The following TADA2A variants were observed in gnomAD, a reference collection of about 807,000 sequenced individuals.
The protein encoded by TADA2A is transcriptional adaptor 2A.
In TADA2A, 38 loss-of-function variants were observed where a neutral mutation model predicts 67.4. That is an observed-to-expected ratio of 0.56 (90% CI 0.44 to 0.74). TADA2A has a LOEUF of 0.74. Among genes scored for constraint, TADA2A ranks in the 30% least tolerant of loss-of-function variants. TADA2A has a pLI of 0.00. For synonymous variants in TADA2A, 192 were observed against 181.6 expected (o/e 1.06, Z -0.46); for missense variants, 454 against 547.0 (o/e 0.83, Z 1.70).
intron 8 of TADA2A, among the ~76,000 whole-genome samples, chr17:37,456,289 A>G (rs1030289778): frequency 6.6e-6 from 1 of 152,244 alleles, no homozygotes; most frequent in African/African-American, 2.4e-5. Flanking sequence ...CGTGGATGGG[A>G]AGCCACTGAA....
intron 5 of TADA2A, among the ~76,000 whole-genome samples, chr17:37,439,927 TTTA>T (rs2052850326): frequency 2.0e-5 from 2 of 101,926 alleles, no homozygotes; most frequent in Admixed American, 1.0e-4. Context: ...TATTTATTTA[TTTA>T]TTTATTTATT....
chr17:37,418,166 G>T (rs1165940136), intron 2 of TADA2A, among the ~76,000 whole-genome samples: 1 of 152,148 alleles, frequency 6.6e-6, no homozygotes, highest in East Asian at 1.9e-4. Flanking sequence ...GGAAATTTCA[G>T]TGCATATTAA....
intron 2 of TADA2A, among the ~76,000 whole-genome samples, chr17:37,412,022 AAC>A (rs1444869697): frequency 6.6e-6 from 1 of 151,264 alleles, no homozygotes; most frequent in East Asian, 2.0e-4. Context: ...CATCCTGGCT[AAC>A]ACAGTGAAAT....
chr17:37,420,682 C>T lies in TADA2A; in HGVS notation c.26-2827C>T, dbSNP rs866730843. On this transcript the variant is annotated intron_variant, in intron 2 of 15. Coordinates refer to ENST00000615182, the MANE Select transcript of TADA2A (RefSeq NM_001166105.3). ...TGCTGGGATTATAGGTTTGAGCCAC[C>T]GTGCCTACTCTCTCTATCTTCTTAA... is the stretch of plus-strand genomic sequence containing the variant. Among the ~76,000 whole-genome samples the T allele has an allele frequency of 6.9e-5, 10 of 145,766 alleles. 1 individual carries two copies. In the South Asian group the frequency reaches 1.8e-3, roughly 26 times the overall value.
At chr17:37,473,127 A>ATTTTTTTTTTTT (rs1020173351) in intron 14 of TADA2A, among the ~76,000 whole-genome samples, 2 of 85,676 alleles carry the variant, frequency 2.3e-5, no homozygotes, top group Non-Finnish European at 4.3e-5. Flanking sequence ...ACCTGGAGAA[A>ATTTTTTTTTTTT]TTTTTTTTTT....
chr17:37,445,085 G>A (rs905512672), intron 8 of TADA2A, among the ~76,000 whole-genome samples: 35 of 152,262 alleles, frequency 2.3e-4, no homozygotes, highest in East Asian at 1.9e-4. Flanking sequence ...TAGAAGGAAG[G>A]GAATCAGTTT....
chr17:37,455,527 G>A (rs1039043839), intron 8 of TADA2A, among the ~76,000 whole-genome samples: 27 of 151,898 alleles, frequency 1.8e-4, no homozygotes, highest in African/African-American at 5.8e-4. Context: ...GACTACAGGC[G>A]CCCGCCACCA....
At chr17:37,462,938 A>G (rs974832908) in intron 10 of TADA2A, among the ~76,000 whole-genome samples, 1 of 152,190 alleles carries the variant, frequency 6.6e-6, no homozygotes, top group African/African-American at 2.4e-5. Context: ...GATTTTTAAA[A>G]TAAATGCCAC....
intron 8 of TADA2A, among the ~76,000 whole-genome samples, chr17:37,451,614 G>A (rs915519793): frequency 6.6e-6 from 1 of 152,090 alleles, no homozygotes; most frequent in African/African-American, 2.4e-5. Flanking sequence ...GAGCCACCAT[G>A]CCTGGCCTTT....
At chr17:37,466,954 C>T (rs575839694) in intron 11 of TADA2A, among the ~76,000 whole-genome samples, 24 of 152,192 alleles carry the variant, frequency 1.6e-4, no homozygotes, top group African/African-American at 4.8e-4. Flanking sequence ...GTCAGGAATT[C>T]GAGACCAACC....
rs1414635358 is a variant in TADA2A, at chr17:37,439,935, TTTATTTATTA to T, written c.285-567_285-558del. On this transcript the variant is annotated intron_variant, in intron 5 of 15. Transcript: ENST00000615182. The stretch of plus-strand genomic sequence containing the variant: ...ATTTATTTATTTATTTATTTATTTA[TTTATTTATTA>T]TTTTTTTTTTTTTTTGAGATGGAGT... Among the ~76,000 whole-genome samples, 32 of 88,054 alleles carry T rather than the reference TTTATTTATTA, an allele frequency of 3.6e-4. 1 individual carries two copies. In the South Asian group the frequency reaches 4.1e-3, roughly 11 times the overall value. 57.8% of individuals were successfully genotyped at this position (88,054 alleles called of 152,430 possible).
chr17:37,474,931 C>G (rs1382580933), intron 15 of TADA2A, among the ~76,000 whole-genome samples: 1 of 152,098 alleles, frequency 6.6e-6, no homozygotes, highest in African/African-American at 2.4e-5. Flanking sequence ...CTACTGAGTG[C>G]TTTATGTAAA....
At chr17:37,411,504 C>A in intron 2 of TADA2A, 114 bp downstream of exon 2, 1 of 990,290 alleles carries the variant, frequency 1.0e-6, no homozygotes, top group Non-Finnish European at 1.6e-6. Context: ...CTCACTGCAA[C>A]TTCTGCCTCC....
chr17:37,468,537 T>G (rs2053715872), intron 12 of TADA2A, among the ~76,000 whole-genome samples: 1 of 152,024 alleles, frequency 6.6e-6, no homozygotes, highest in African/African-American at 2.4e-5. Context: ...TCTTTCCTTT[T>G]TTTTTTTTCC....
At chr17:37,438,689 C>A (rs1051129510) in intron 5 of TADA2A, among the ~76,000 whole-genome samples, 4 of 152,138 alleles carry the variant, frequency 2.6e-5, no homozygotes, top group Non-Finnish European at 4.4e-5. Flanking sequence ...TATTAAGCAT[C>A]ATAAAATACT....
chr17:37,447,000 C>CT (rs1303301395), intron 8 of TADA2A, among the ~76,000 whole-genome samples: 1 of 152,168 alleles, frequency 6.6e-6, no homozygotes, highest in African/African-American at 2.4e-5. Context: ...TATTTGTACT[C>CT]TCCCTGAAGT....
At position 37,412,189 on chromosome 17, in the gene TADA2A, C is replaced by T. The variant is rs143501866; in HGVS notation, c.25+799C>T. Among the ~76,000 whole-genome samples, 862 of 141,312 alleles carry T rather than the reference C, an allele frequency of 6.1e-3. 5 individuals are homozygous for T. Among genetic ancestry groups the T allele is most frequent in the African/African-American group, 0.02 (739 of 37,784 alleles). 92.7% of individuals were successfully genotyped at this position (141,312 alleles called of 152,430 possible). On this transcript the variant is annotated intron_variant, in intron 2 of 15. Coordinates refer to ENST00000615182, the MANE Select transcript of TADA2A (RefSeq NM_001166105.3). ...TTGTGCCACTGCACTCCAGCTTGGG[C>T]GACAGAGTGAGACTCTGTCTCAAAA...
intron 4 of TADA2A, among the ~76,000 whole-genome samples, chr17:37,427,718 G>A (rs557736251): frequency 1.3e-5 from 2 of 150,790 alleles, no homozygotes; most frequent in South Asian, 4.2e-4. Context: ...AGTAACTCAC[G>A]CCTGTAATCC....
intron 8 of TADA2A, among the ~76,000 whole-genome samples, chr17:37,453,583 A>G (rs973033552): frequency 6.6e-6 from 1 of 152,138 alleles, no homozygotes; most frequent in African/African-American, 2.4e-5. Flanking sequence ...TTTAAAACTT[A>G]CTGTAGTAGA....
Sources: gnomAD v4.1 joint callset for allele counts (sites outside exome capture counted in the v4.1 genomes callset) on GRCh38, gnomAD v4.1.1 for gene constraint, MANE v1.5 for transcripts, NCBI Gene and HGNC (gene_info 2026-07-23, HGNC 2026-07-21) for gene names.